Variants in GLB1 observed in about 807,000 individuals in gnomAD.
GLB1 encodes beta-galactosidase.
Under a neutral mutation model 74.0 loss-of-function variants are expected in GLB1, and 56 were observed. That is an observed-to-expected ratio of 0.76 (90% CI 0.61 to 0.94). GLB1 has a LOEUF of 0.94. Among genes scored for constraint, GLB1 ranks in the 40% least tolerant of loss-of-function variants. The pLI is 0.00. For missense variants in GLB1, 787 were observed against 845.5 expected (o/e 0.93, Z 0.86); for synonymous variants, 323 against 323.6 (o/e 1.00, Z 0.02).
the GLB1 span, among the ~76,000 whole-genome samples, chr3:32,963,212 G>T: frequency 6.6e-6 from 1 of 151,978 alleles, no homozygotes; most frequent in Non-Finnish European, 1.5e-5. Context: ...ATTCAGAAGT[G>T]GGCCAAATGT....
the GLB1 span, among the ~76,000 whole-genome samples, chr3:32,984,185 G>A: frequency 5.3e-5 from 8 of 152,208 alleles, no homozygotes; most frequent in East Asian, 1.5e-3. Context: ...GCTAGCCTCT[G>A]CTTACAACCT....
intron 11 of GLB1, among the ~76,000 whole-genome samples, chr3:33,022,233 A>G (rs932644726): frequency 2.0e-5 from 3 of 152,128 alleles, no homozygotes; most frequent in Non-Finnish European, 2.9e-5. Flanking sequence ...CTCAGCCCCA[A>G]TGCCCAGAAC....
chr3:33,021,687 T>G (rs1398974755), intron 11 of GLB1, 32 bp from the exon 12 acceptor site: 1 of 1,604,766 alleles, frequency 6.2e-7, no homozygotes, highest in East Asian at 2.2e-5. Flanking sequence ...ATTCACACAC[T>G]GCACCCCTCA....
At position 33,012,606 on chromosome 3, in the gene GLB1, TG is replaced by T. The variant is rs369632730; in HGVS notation, c.1734+1449del. Among the ~76,000 whole-genome samples the T allele has an allele frequency of 5.4e-3, 818 of 152,328 alleles. 7 individuals are homozygous for T. The highest frequency in any genetic ancestry group is 0.017 in the African/African-American group (705 of 41,578). ...TGTTGTTTATAAGCCACCCAGCTTA[TG>T]GTATTTTGTTATAGCAGCCCAAATA... On this transcript the variant is annotated intron_variant, in intron 15 of 15. Transcript: ENST00000307363.
chr3:33,045,339 C>G, intron 10 of GLB1: 1 of 980,258 alleles, frequency 1.0e-6, no homozygotes, highest in Non-Finnish European at 1.2e-6. Flanking sequence ...TATTTTTAAA[C>G]TGTACAAGTC....
intron 1 of GLB1, chr3:33,091,693 G>A: frequency 1.0e-6 from 1 of 985,288 alleles, no homozygotes; most frequent in Non-Finnish European, 1.2e-6. Flanking sequence ...GTGAGGGAAA[G>A]TCACCCACCC....
chr3:32,965,498 T>C, the GLB1 span, among the ~76,000 whole-genome samples: 1 of 152,000 alleles, frequency 6.6e-6, no homozygotes, highest in East Asian at 1.9e-4. Context: ...GTGGAAGAAA[T>C]TTCCGAGCAG....
In GLB1 at chr3:33,021,623, C is replaced by T. The variant is rs776608131; in HGVS notation, c.1176G>A (p.Leu392=). Residue 392 remains leucine, a synonymous_variant, in exon 12 of 16, where the codon CTG becomes CTA. Coordinates refer to ENST00000307363, the MANE Select transcript of GLB1 (RefSeq NM_000404.4). The stretch of plus-strand genomic sequence containing the variant: ...GGCTTTTGATGGGCCCAGAGGGACA[C>T]AGAATGTCCAGAGCTGCTCCCACTG... ...LKTVGAALDI[L]CPSGPIKSLY... The T allele has an allele frequency of 6.8e-6, 11 of 1,613,926 alleles. No homozygotes were observed. The highest frequency in any genetic ancestry group is 9.3e-6 in the Non-Finnish European group (11 of 1,179,992).
At chr3:33,008,476 G>C (rs1323605169) in intron 15 of GLB1, among the ~76,000 whole-genome samples, 3 of 152,176 alleles carry the variant, frequency 2.0e-5, no homozygotes, top group Non-Finnish European at 2.9e-5. Flanking sequence ...AGGAAGCTGA[G>C]GGAACAAAGG....
chr3:33,011,276 A>G (rs1284468355), intron 15 of GLB1, among the ~76,000 whole-genome samples: 1 of 152,054 alleles, frequency 6.6e-6, no homozygotes, highest in Non-Finnish European at 1.5e-5. Context: ...TTCGAGGCCA[A>G]GTTCACATAA....
chr3:33,091,403 T>G (rs1180570154), intron 1 of GLB1: 1 of 985,408 alleles, frequency 1.0e-6, no homozygotes, highest in African/African-American at 1.7e-5. Context: ...CCCCTAGCAG[T>G]TGCTGCTTTG....
At chr3:32,967,800 T>A in the GLB1 span, among the ~76,000 whole-genome samples, 34,370 of 151,944 alleles carry the variant, frequency 0.23, 5,616 homozygotes, top group African/African-American at 0.46. Flanking sequence ...CGGGGGAGTT[T>A]CACCTGGATG....
chr3:33,094,101 G>C, intron 1 of GLB1: 1 of 1,614,260 alleles, frequency 6.2e-7, no homozygotes, highest in African/African-American at 1.3e-5. Context: ...AAGGCTCTCT[G>C]CCAGATACGA....
intron 10 of GLB1, among the ~76,000 whole-genome samples, chr3:33,029,012 T>C (rs1263675190): frequency 1.3e-5 from 2 of 152,094 alleles, no homozygotes; most frequent in Non-Finnish European, 2.9e-5. Flanking sequence ...ATCAGTGATA[T>C]TAGCTCATTA....
intron 1 of GLB1, among the ~76,000 whole-genome samples, chr3:33,081,600 GCCC>G (rs966688184): frequency 6.6e-6 from 1 of 152,170 alleles, no homozygotes; most frequent in African/African-American, 2.4e-5. Flanking sequence ...TACTTGGGAA[GCCC>G]CCCCAGTGGG....
the GLB1 span, among the ~76,000 whole-genome samples, chr3:32,990,683 T>C: frequency 6.6e-6 from 1 of 152,084 alleles, no homozygotes; most frequent in African/African-American, 2.4e-5. Flanking sequence ...GGTAAAAAGA[T>C]CCTATTGCAG....
intron 10 of GLB1, chr3:33,030,792 CTCTTACGTTGATGGAA>C: frequency 1.0e-6 from 1 of 985,408 alleles, no homozygotes; most frequent in South Asian, 4.7e-5. Context: ...ATCAGCGGAA[CTCTTACGTTGATGGAA>C]TCCCTATAAA....
intron 3 of GLB1, 44 bp from the exon 4 acceptor site, chr3:33,068,334 G>C: frequency 6.2e-7 from 1 of 1,612,824 alleles, no homozygotes; most frequent in Non-Finnish European, 8.5e-7. Flanking sequence ...GTTCCGTGAA[G>C]GGTGCTCAGA....
chr3:32,969,704 C>T, the GLB1 span, among the ~76,000 whole-genome samples: 1 of 152,194 alleles, frequency 6.6e-6, no homozygotes, highest in African/African-American at 2.4e-5. Flanking sequence ...GGAGGCTAGC[C>T]ATACCTGAAA....
Sources: gnomAD v4.1 joint callset for allele counts (sites outside exome capture counted in the v4.1 genomes callset) on GRCh38, gnomAD v4.1.1 for gene constraint, MANE v1.5 for transcripts, NCBI Gene and HGNC (gene_info 2026-07-23, HGNC 2026-07-21) for gene names.